ACSM3: variants seen among roughly 807,000 people sequenced by gnomAD.
The protein encoded by ACSM3 is acyl-coenzyme A synthetase ACSM3, mitochondrial.
Under a neutral mutation model 74.1 loss-of-function variants are expected in ACSM3, and 61 were observed. The ratio of observed to expected loss-of-function variants is 0.82; its 90% CI spans 0.67 to 1.02. ACSM3 has a LOEUF of 1.02. ACSM3 is among the 50% of genes least tolerant of loss of function. The probability of loss-of-function intolerance (pLI) is 0.00; values close to 1 mark genes in which losing one functional copy is unlikely to be tolerated. For synonymous variants in ACSM3, 213 were observed against 241.5 expected (o/e 0.88, Z 1.09); for missense variants, 660 against 697.0 (o/e 0.95, Z 0.60).
intron 1 of ACSM3, chr16:20,737,328 ATTACATCTG>A (rs1212964849): frequency 1.9e-6 from 3 of 1,542,430 alleles, no homozygotes; most frequent in Non-Finnish European, 2.6e-6. Flanking sequence ...GGAGGATACC[ATTACATCTG>A]ATAGATACAA....
intron 1 of ACSM3, among the ~76,000 whole-genome samples, chr16:20,694,618 G>A (rs2079679953): frequency 6.6e-6 from 1 of 152,154 alleles, no homozygotes; most frequent in Non-Finnish European, 1.5e-5. Flanking sequence ...CCTGAAGACA[G>A]TCCAAACAAC....
At position 20,687,121 on chromosome 16, in the gene ACSM3, G is replaced by A. The variant is rs546958161; in HGVS notation, c.-190+12299G>A. 1.8e-3 allele frequency among the ~76,000 whole-genome samples: 273 copies of A among 151,928 alleles called. 3 individuals carry two copies. The highest frequency in any genetic ancestry group is 6.4e-3 in the African/African-American group (264 of 41,430). On this transcript the variant is annotated intron_variant, in intron 1 of 3. Transcript: ENST00000561584. ...AAACTTGTTTACAATGTTCTGGCTT[G>A]TCCAAGGGTTGCGGAGGGACTGGCT... is the stretch of plus-strand genomic sequence containing the variant.
intron 1 of ACSM3, among the ~76,000 whole-genome samples, chr16:20,688,871 ATAT>A (rs1181018381): frequency 6.6e-6 from 1 of 151,578 alleles, no homozygotes; most frequent in East Asian, 1.9e-4. Context: ...ATAAAAATCA[ATAT>A]TATTATAAGT....
rs1048293924 is a variant in ACSM3, at chr16:20,774,914, G to A, written c.220-925G>A. Among the ~76,000 whole-genome samples, 6 of 152,186 alleles carry A rather than the reference G, an allele frequency of 3.9e-5. 1 individual carries two copies. The highest frequency in any genetic ancestry group is 4.1e-4 in the South Asian group (2 of 4,830). ...GCAGATGGCAATGCAGGCACAAAGC[G>A]GCTCTGCCACTAGAGGGGGCAAGAT... is the stretch of plus-strand genomic sequence containing the variant. On this transcript the variant is annotated intron_variant, in intron 2 of 13. Transcript: ENST00000289416.
chr16:20,717,175 T>C (rs926147671), intron 1 of ACSM3, among the ~76,000 whole-genome samples: 33 of 152,162 alleles, frequency 2.2e-4, no homozygotes, highest in African/African-American at 7.5e-4. Context: ...TCAAAGGCCA[T>C]AAAACAGGAT....
In ACSM3 at chr16:20,686,911, G is replaced by A. The variant is rs141531627; in HGVS notation, c.-190+12089G>A. ...ACATCATGTTGTACACCTTAAATAC[G>A]TATGATTAAAAATTTAAAAAGGAAA... On this transcript the variant is annotated intron_variant, in intron 1 of 3. Transcript: ENST00000561584. 9.0e-4 allele frequency among the ~76,000 whole-genome samples: 136 copies of A among 151,286 alleles called. No individual in the cohort carries two copies. In the Middle Eastern group the frequency reaches 0.014, roughly 15 times the overall value.
At chr16:20,690,723 A>G (rs984523122) in intron 1 of ACSM3, among the ~76,000 whole-genome samples, 2 of 152,222 alleles carry the variant, frequency 1.3e-5, no homozygotes, top group African/African-American at 2.4e-5. Context: ...CCTGGTCACA[A>G]TTATAGTACC....
intron 1 of ACSM3, chr16:20,739,161 G>C: frequency 7.5e-7 from 1 of 1,335,792 alleles, no homozygotes; most frequent in East Asian, 2.4e-5. Context: ...CCTGGCGGCA[G>C]GTGGCTCAGT....
At chr16:20,743,692 CA>C (rs1192026632) in intron 1 of ACSM3, 1 of 152,168 alleles carries the variant, frequency 6.6e-6, no homozygotes, top group East Asian at 1.9e-4. Flanking sequence ...TTCAATACAG[CA>C]TTTAATTTTC....
intron 1 of ACSM3, among the ~76,000 whole-genome samples, chr16:20,749,078 G>GA (rs778150142): frequency 6.6e-6 from 1 of 151,840 alleles, no homozygotes; most frequent in Non-Finnish European, 1.5e-5. Flanking sequence ...AAAGAAAAAA[G>GA]AAAAGATTTT....
At chr16:20,760,926 C>T (rs142617750), upstream of ACSM3, among the ~76,000 whole-genome samples, 25 of 152,220 alleles carry the variant, frequency 1.6e-4, no homozygotes, top group East Asian at 2.5e-3. Context: ...CCTTGGCTTC[C>T]GCAACCCCCC....
intron 3 of ACSM3, 39 bp downstream of exon 3, chr16:20,776,088 G>C: frequency 6.2e-7 from 1 of 1,600,034 alleles, no homozygotes; most frequent in Non-Finnish European, 8.6e-7. Context: ...TTATTACTAA[G>C]CTGGAGGGGA....
chr16:20,796,609 T>C, intron 13 of ACSM3, 120 bp downstream of exon 13: 2 of 1,537,310 alleles, frequency 1.3e-6, no homozygotes, highest in Non-Finnish European at 8.7e-7. Flanking sequence ...CAAACTGAAC[T>C]GATGACATAT....
At chr16:20,698,199 A>G (rs1164311240) in intron 1 of ACSM3, among the ~76,000 whole-genome samples, 1 of 151,694 alleles carries the variant, frequency 6.6e-6, no homozygotes, top group Non-Finnish European at 1.5e-5. Context: ...CAAAAAAAAA[A>G]AAAAAAAGAA....
intron 2 of ACSM3, among the ~76,000 whole-genome samples, chr16:20,752,336 C>G (rs2079995397): frequency 6.6e-6 from 1 of 152,008 alleles, no homozygotes; most frequent in East Asian, 1.9e-4. Context: ...GAGACTCTGT[C>G]TCTCAAAAAA....
intron 1 of ACSM3, among the ~76,000 whole-genome samples, chr16:20,694,590 T>C (rs910935477): frequency 6.6e-6 from 1 of 152,142 alleles, no homozygotes; most frequent in African/African-American, 2.4e-5. Flanking sequence ...TTCCTTAAAA[T>C]ACAAACTCAC....
At chr16:20,727,811 A>C (rs1473091728) in intron 1 of ACSM3, among the ~76,000 whole-genome samples, 1 of 152,166 alleles carries the variant, frequency 6.6e-6, no homozygotes, top group Non-Finnish European at 1.5e-5. Flanking sequence ...GGGTGCACTT[A>C]ATGGAGTCTA....
At chr16:20,791,597 A>C (rs960705537) in intron 10 of ACSM3, among the ~76,000 whole-genome samples, 2 of 152,188 alleles carry the variant, frequency 1.3e-5, no homozygotes, top group African/African-American at 4.8e-5. Flanking sequence ...TGCTTCTCAA[A>C]GGAGCCAAAC....
chr16:20,706,998 A>C (rs2079729912), intron 1 of ACSM3, among the ~76,000 whole-genome samples: 1 of 152,138 alleles, frequency 6.6e-6, no homozygotes, highest in African/African-American at 2.4e-5. Context: ...AGCTGCTGAG[A>C]GACTTGCCCA....
Sources: gnomAD v4.1 joint callset for allele counts (sites outside exome capture counted in the v4.1 genomes callset) on GRCh38, gnomAD v4.1.1 for gene constraint, MANE v1.5 for transcripts, NCBI Gene and HGNC (gene_info 2026-07-23, HGNC 2026-07-21) for gene names.